Variants in DST observed in about 807,000 individuals in gnomAD.
The protein encoded by DST is bullous pemphigoid antigen.
A neutral mutation model predicts 875.2 loss-of-function variants in DST; 253 were observed. That is an observed-to-expected ratio of 0.29 (90% CI 0.26 to 0.32). The LOEUF (loss-of-function observed/expected upper bound fraction) is 0.32, where lower values mean the gene tolerates loss of function less well. DST is among the 10% of genes least tolerant of loss of function. DST has a pLI of 1.00. For synonymous variants in DST, 3,124 were observed against 3,197.1 expected, an observed-to-expected ratio of 0.98 and a Z score of 0.77; for missense variants, 8,287 against 9,111.6, an observed-to-expected ratio of 0.91 and a Z score of 3.68.
chr6:56,935,158 A>C (rs1175944493), intron 2 of DST, among the ~76,000 whole-genome samples: 1 of 152,236 alleles, frequency 6.6e-6, no homozygotes, highest in Non-Finnish European at 1.5e-5. Context: ...GTAATATAGC[A>C]GTAGCCAGCC....
rs1562193283 is a variant in DST at position 56,855,952 on chromosome 6, T to G, written c.418-4348A>C. The stretch of plus-strand genomic sequence containing the variant: ...TGGCCCCAGCCAGGAATTCATTTTT[T>G]TTTCTCATCAACATTATTAACAAAA... On this transcript the variant is annotated intron_variant, in intron 3 of 103. Transcript: ENST00000680361. Among the ~76,000 whole-genome samples, 9 of 152,230 alleles carry G rather than the reference T, an allele frequency of 5.9e-5. 1 individual carries two copies.
chr6:56,459,048 C>A lies in DST; in HGVS notation c.23414G>T (p.Arg7805Met). 1 of 1,613,794 alleles carries A rather than the reference C, an allele frequency of 6.2e-7. No homozygotes were observed. The highest frequency in any genetic ancestry group is 8.5e-7 in the Non-Finnish European group (1 of 1,179,796). Residue 7805 changes from arginine to methionine, a missense_variant, in exon 104 of 104, where the codon AGG (arginine) becomes ATG (methionine). Arg to Met is a moderately conservative substitution (Grantham distance 91, BLOSUM62 -1). This residue lies in a region of DST where 240 missense variants were observed against 237.3 expected (regional missense o/e 1.01). Coordinates refer to ENST00000680361, the MANE Select transcript of DST (RefSeq NM_001374736.1). ...AKPSKIPTPQ[R>M]KSPASKLDKS... ...GTCCAATTTGCTGGCAGGTGATTTCCTCTGGGGCGTGGGGATTTTTGAAGG... is the reference window on the plus strand; with the variant it reads ...GTCCAATTTGCTGGCAGGTGATTTCATCTGGGGCGTGGGGATTTTTGAAGG...
At chr6:56,814,663 A>G (rs2153040231) in intron 4 of DST, among the ~76,000 whole-genome samples, 1 of 152,346 alleles carries the variant, frequency 6.6e-6, no homozygotes, top group South Asian at 2.1e-4. Flanking sequence ...ACCACGCCAC[A>G]GAACTATTAA....
intron 73 of DST, among the ~76,000 whole-genome samples, chr6:56,510,608 T>G (rs1047685479): frequency 6.6e-6 from 1 of 152,192 alleles, no homozygotes; most frequent in Non-Finnish European, 1.5e-5. Flanking sequence ...ATGAATGAAC[T>G]TTGTTCTATA....
chr6:56,564,544 C>T (rs572681280), intron 55 of DST, among the ~76,000 whole-genome samples: 17 of 152,270 alleles, frequency 1.1e-4, no homozygotes, highest in African/African-American at 3.1e-4. Context: ...TTCCTCTCTT[C>T]CTGTCTGAAT....
At chr6:56,819,912 G>A (rs918047170) in intron 4 of DST, among the ~76,000 whole-genome samples, 1 of 152,222 alleles carries the variant, frequency 6.6e-6, no homozygotes, top group African/African-American at 2.4e-5. Context: ...ATTAAGGATA[G>A]TAACATTTCG....
chr6:56,571,612 T>C (rs1460284532), intron 53 of DST, among the ~76,000 whole-genome samples: 1 of 152,216 alleles, frequency 6.6e-6, no homozygotes, highest in Admixed American at 6.5e-5. Flanking sequence ...CATTCACTTG[T>C]TTCTAATAGT....
At chr6:56,806,678 C>T (rs1049903696) in intron 4 of DST, among the ~76,000 whole-genome samples, 1 of 152,178 alleles carries the variant, frequency 6.6e-6, no homozygotes, top group Non-Finnish European at 1.5e-5. Context: ...GTGGATCCAA[C>T]AGGCCATCAT....
intron 28 of DST, among the ~76,000 whole-genome samples, chr6:56,632,347 C>T (rs1019350517): frequency 1.3e-5 from 2 of 151,808 alleles, no homozygotes; most frequent in Non-Finnish European, 2.9e-5. Context: ...AAATTAATTA[C>T]AAAAATCAAA....
At chr6:56,464,530 G>A (rs1485028617) in intron 100 of DST, 155 bp downstream of exon 100, 6 of 625,852 alleles carry the variant, frequency 9.6e-6, no homozygotes, top group Non-Finnish European at 1.4e-5. Context: ...CAAATTTTCA[G>A]AATTTAAATT....
In DST at chr6:56,751,638, A is replaced by C. The variant is rs369293552; in HGVS notation, c.626-16349T>G. ...ATGGAATTTTTCCCAAGAGATAATA[A>C]GCCACTGGGTTCCCTCAGAGAATAG... On this transcript the variant is annotated intron_variant, in intron 4 of 103. Coordinates refer to ENST00000680361, the MANE Select transcript of DST (RefSeq NM_001374736.1). Among the ~76,000 whole-genome samples the C allele has an allele frequency of 4.1e-4, 63 of 152,332 alleles. 2 individuals carry two copies. In the South Asian group the frequency reaches 0.011, roughly 26 times the overall value.
chr6:56,794,446 G>A (rs2099736323), intron 4 of DST, among the ~76,000 whole-genome samples: 1 of 152,168 alleles, frequency 6.6e-6, no homozygotes, highest in South Asian at 2.1e-4. Flanking sequence ...AGGGCATTTG[G>A]TAGCTGGAAA....
At chr6:56,653,712 AAAGT>A (rs2098988732) in intron 10 of DST, among the ~76,000 whole-genome samples, 2 of 152,128 alleles carry the variant, frequency 1.3e-5, no homozygotes, top group African/African-American at 4.8e-5. Flanking sequence ...CCACTATGAA[AAAGT>A]AATAGCCTAT....
chr6:56,717,751 T>C (rs1415216522), intron 5 of DST, among the ~76,000 whole-genome samples: 1 of 151,746 alleles, frequency 6.6e-6, no homozygotes, highest in African/African-American at 2.4e-5. Context: ...AACAGCCCTA[T>C]GATAGCACTC....
Position 56,742,420 on chromosome 6 carries a change from T to C in DST, c.626-7131A>G, listed in dbSNP as rs3002002. On this transcript the variant is annotated intron_variant, in intron 4 of 103. Transcript: ENST00000680361. ...GTGTCAGAGTCCTGTTAACTTTCTA[T>C]GTAGAAAAGAAAACACTGACTAGAC... The C allele has an allele frequency of 6.4e-5, 77 of 1,209,558 alleles. No homozygotes were observed. In the African/African-American group the frequency reaches 1.1e-3, roughly 17 times the overall value. The allele number at this position is 1,209,558 out of a possible 1,614,324, so 74.9% of individuals were successfully genotyped here. A position where few individuals can be genotyped will look rare whatever the true frequency, so the allele number is the denominator to read the frequency against.
intron 4 of DST, among the ~76,000 whole-genome samples, chr6:56,743,720 G>A (rs1049430099): frequency 5.9e-5 from 9 of 152,090 alleles, no homozygotes; most frequent in Admixed American, 5.9e-4. Flanking sequence ...AGAAACTGAG[G>A]CACTTAGAGG....
chr6:56,875,066 C>T (rs1221315459), intron 3 of DST, among the ~76,000 whole-genome samples: 1 of 152,258 alleles, frequency 6.6e-6, no homozygotes, highest in Non-Finnish European at 1.5e-5. Flanking sequence ...TCACTGCAAG[C>T]TCCGCCTCCC....
At chr6:56,636,247 T>C (rs1563355012) in intron 23 of DST, among the ~76,000 whole-genome samples, 1 of 149,718 alleles carries the variant, frequency 6.7e-6, no homozygotes, top group African/African-American at 2.5e-5. Context: ...TATATATATA[T>C]ATATATATAC....
Position 56,582,500 on chromosome 6 carries a change from G to C in DST, c.12904-3563C>G, listed in dbSNP as rs528645662. ...GTAAAAGTTCCCTGAGGCTTCCCCAGAAGCTGAGTGATGTCAGTGCCATGC... is the reference window on the plus strand; with the variant it reads ...GTAAAAGTTCCCTGAGGCTTCCCCACAAGCTGAGTGATGTCAGTGCCATGC... On this transcript the variant is annotated intron_variant, in intron 49 of 103. Coordinates refer to ENST00000680361, the MANE Select transcript of DST (RefSeq NM_001374736.1). Among the ~76,000 whole-genome samples the C allele has an allele frequency of 1.5e-4, 23 of 150,234 alleles. No individual in the cohort carries two copies. In the East Asian group the frequency reaches 4.5e-3, roughly 30 times the overall value.
Sources: allele counts gnomAD v4.1 joint callset (sites outside exome capture counted in the v4.1 genomes callset), GRCh38; gene constraint gnomAD v4.1.1; regional missense constraint gnomAD v4.1.1; transcripts MANE v1.5; gene names NCBI Gene and HGNC (gene_info 2026-07-23, HGNC 2026-07-21).